Variants in RTKN observed in about 807,000 individuals in gnomAD.
RTKN encodes the protein rhotekin.
A neutral mutation model predicts 63.5 loss-of-function variants in RTKN; 49 were observed. That is an observed-to-expected ratio of 0.77 (90% confidence interval 0.61 to 0.98). The LOEUF (loss-of-function observed/expected upper bound fraction) is 0.98, where lower values mean the gene tolerates loss of function less well. Ranked by LOEUF, RTKN falls within the 50% of genes least tolerant of loss-of-function variation. The probability of loss-of-function intolerance (pLI) is 0.00; values close to 1 mark genes in which losing one functional copy is unlikely to be tolerated. For synonymous variants in RTKN, 295 were observed against 290.4 expected (o/e 1.02, Z -0.16); for missense variants, 685 against 740.8 (o/e 0.92, Z 0.87).
rs1266903360 is a variant in RTKN at position 74,429,963 on chromosome 2, G to C, written c.620C>G (p.Thr207Ser). ...GGTGGCAAGCCTCTTGGGGCCGCCA[G>C]TCAGGGCCCCCTCTTCTTCCACACA... ...GACVEEEGAL[T>S]GGPKRLATKL... The change falls in exon 6 of 12, where the codon ACT becomes AGT. Residue 207 changes from threonine to serine, a missense_variant. Coordinates refer to ENST00000272430, the MANE Select transcript of RTKN (RefSeq NM_001015055.2). The C allele has an allele frequency of 1.7e-5, 28 of 1,614,142 alleles. No individual in the cohort carries two copies. The Admixed American group carries it at 4.7e-4, about 27-fold the overall frequency.
intron 11 of RTKN, 154 bp from the exon 12 acceptor site, chr2:74,426,728 T>C: frequency 7.2e-7 from 1 of 1,380,058 alleles, no homozygotes; most frequent in South Asian, 1.9e-5. Context: ...GCCCCTCACC[T>C]GGGCCCCCTG....
At chr2:74,434,280 CTTT>C (rs902132687) in intron 1 of RTKN, among the ~76,000 whole-genome samples, 10 of 128,054 alleles carry the variant, frequency 7.8e-5, no homozygotes, top group Non-Finnish European at 6.7e-5. Context: ...GTTTTGTATT[CTTT>C]TTTTTTTTTT....
At position 74,426,349 on chromosome 2, in the gene RTKN, G is replaced by T. The variant is rs779241683; in HGVS notation, c.1586C>A (p.Ser529Tyr). 35 of 1,612,442 alleles carry T rather than the reference G, an allele frequency of 2.2e-5. No individual in the cohort carries two copies. Among genetic ancestry groups the T allele is most frequent in the Middle Eastern group, 1.6e-4 (1 of 6,074 alleles). ...GGGGGCAACCGAGCGAGCCCTAGGG[G>T]AGTGGTCTGGGGGGACAGCATCCAG... ...FSLDAVPPDHSPRARSVAPLP... is the reference protein window; with the variant it reads ...FSLDAVPPDHYPRARSVAPLP... Residue 529 changes from serine (S) to tyrosine (Y), a missense_variant, in exon 12 of 12, where the codon TCC (serine) becomes TAC (tyrosine). Coordinates refer to ENST00000272430, the MANE Select transcript of RTKN (RefSeq NM_001015055.2).
chr2:74,439,902 G>A (rs1671262710), intron 1 of RTKN: 5 of 1,267,376 alleles, frequency 3.9e-6, no homozygotes, highest in Non-Finnish European at 4.0e-6. Context: ...TGGGGTCCCA[G>A]GAGGAAAGGC....
intron 1 of RTKN, among the ~76,000 whole-genome samples, chr2:74,435,430 A>G (rs1671002190): frequency 6.6e-6 from 1 of 152,190 alleles, no homozygotes; most frequent in South Asian, 2.1e-4. Flanking sequence ...TAATGACGCT[A>G]TACTTTGGTG....
chr2:74,440,077 C>T, intron 1 of RTKN: 2 of 797,092 alleles, frequency 2.5e-6, no homozygotes, highest in Non-Finnish European at 3.1e-6. Context: ...GCGGAGAGGG[C>T]AGTGAGGGGC....
At chr2:74,437,963 G>A (rs911013939) in intron 1 of RTKN, among the ~76,000 whole-genome samples, 6 of 152,166 alleles carry the variant, frequency 3.9e-5, no homozygotes, top group African/African-American at 4.8e-5. Flanking sequence ...ATGCCAAGAC[G>A]GTCCTGAGAA....
Position 74,426,130 on chromosome 2 carries a change from A to C in RTKN, c.*113T>G. The C allele has an allele frequency of 3.2e-6, 3 of 932,608 alleles. No homozygotes were observed. Among genetic ancestry groups the C allele is most frequent in the Non-Finnish European group, 5.0e-6 (3 of 601,424 alleles). 57.8% of individuals were successfully genotyped at this position (932,608 alleles called of 1,614,324 possible). On this transcript the variant is annotated 3_prime_UTR_variant, in exon 12 of 12. Coordinates refer to ENST00000272430, the MANE Select transcript of RTKN (RefSeq NM_001015055.2). ...CTGCAGCCTACCCCAGGTCCAGCAG[A>C]GGAACAGGAGGCCAGACTGGCCAAC...
chr2:74,428,244 C>T (rs1376083818), intron 9 of RTKN, 24 bp downstream of exon 9: 1 of 1,613,948 alleles, frequency 6.2e-7, no homozygotes, highest in African/African-American at 1.3e-5. Context: ...CCCTTGGTGG[C>T]CTTACTACCA....
intron 11 of RTKN, 141 bp downstream of exon 11, chr2:74,427,028 A>G: frequency 6.9e-7 from 1 of 1,447,978 alleles, no homozygotes; most frequent in South Asian, 1.5e-5. Flanking sequence ...AAGAACACAC[A>G]AGATTGGGTG....
chr2:74,438,403 C>G (rs892587385), intron 1 of RTKN, among the ~76,000 whole-genome samples: 2 of 152,160 alleles, frequency 1.3e-5, no homozygotes, highest in Non-Finnish European at 2.9e-5. Flanking sequence ...GAAACAGCCT[C>G]CCACCTGGTG....
chr2:74,434,375 G>A (rs946331269), intron 1 of RTKN, among the ~76,000 whole-genome samples: 2 of 151,370 alleles, frequency 1.3e-5, no homozygotes, highest in Admixed American at 1.3e-4. Context: ...CCGCCTCCCA[G>A]GTTCAAGCAA....
In RTKN at chr2:74,440,637, G is replaced by A. The variant is rs1471336744; in HGVS notation, c.111+1069C>T. ...CCCAGCTCACAGGCCCCTCCCCCTG[G>A]TCCCGGGCCTCGCCCCTTACTCCCC... On this transcript the variant is annotated intron_variant, in intron 1 of 11. Coordinates refer to ENST00000272430, the MANE Select transcript of RTKN (RefSeq NM_001015055.2). 3.3e-6 allele frequency: 3 copies of A among 905,270 alleles called. No individual in the cohort carries two copies. In the African/African-American group the frequency reaches 5.4e-5, roughly 16 times the overall value. The allele number at this position is 905,270 out of a possible 1,614,324, so 56.1% of individuals were successfully genotyped here. A position where few individuals can be genotyped will look rare whatever the true frequency, so the allele number is the denominator to read the frequency against.
At chr2:74,426,624 G>T (rs758276673) in intron 11 of RTKN, 50 bp from the exon 12 acceptor site, 1 of 1,505,732 alleles carries the variant, frequency 6.6e-7, no homozygotes, top group Non-Finnish European at 8.9e-7. Flanking sequence ...TCAGAGCTCA[G>T]GCCCCAAGCC....
At position 74,430,243 on chromosome 2, in the gene RTKN, G is replaced by A. The variant is rs369083012; in HGVS notation, c.545+9C>T. ...GAGGAAGGAGGTAGCCACAGTGTGA[G>A]GTACTCACAAGAGCACATTGCTCTG... is the stretch of plus-strand genomic sequence containing the variant. On this transcript the variant is annotated intron_variant, in intron 5 of 11. Transcript: ENST00000272430. The A allele has an allele frequency of 6.2e-7, 1 of 1,605,200 alleles. No homozygotes were observed. Among genetic ancestry groups the A allele is most frequent in the Non-Finnish European group, 8.5e-7 (1 of 1,171,894 alleles).
rs761352367 is a variant in RTKN at position 74,439,635 on chromosome 2, C to CCG, written c.111+2070_111+2071insCG. The CCG allele has an allele frequency of 2.5e-6, 4 of 1,613,712 alleles. No homozygotes were observed. The African/African-American group carries it at 4.0e-5, about 16-fold the overall frequency. ...ATCTGTCCTGCATCTCTGTGCCCCC[C>CCG]GGTGCCCTTTCCCTTGTCAACCCCT... On this transcript the variant is annotated intron_variant, in intron 1 of 11. Coordinates refer to ENST00000272430, the MANE Select transcript of RTKN (RefSeq NM_001015055.2).
At chr2:74,427,613 C>T in intron 9 of RTKN, 21 bp from the exon 10 acceptor site, 1 of 1,602,588 alleles carries the variant, frequency 6.2e-7, no homozygotes, top group South Asian at 1.1e-5. Flanking sequence ...AAGAAGAGGT[C>T]TACCTTGGTC....
intron 10 of RTKN, 44 bp downstream of exon 10, chr2:74,427,380 T>A: frequency 6.2e-7 from 1 of 1,610,424 alleles, no homozygotes; most frequent in Non-Finnish European, 8.5e-7. Flanking sequence ...AATGACAAAC[T>A]CCAGTTCTTC....
chr2:74,432,962 A>G (rs1670841476), intron 1 of RTKN, among the ~76,000 whole-genome samples: 1 of 151,952 alleles, frequency 6.6e-6, no homozygotes, highest in Admixed American at 6.6e-5. Context: ...AATATATAAC[A>G]GCCGGGCACG....
Sources: allele counts gnomAD v4.1 joint callset (sites outside exome capture counted in the v4.1 genomes callset), GRCh38; gene constraint gnomAD v4.1.1; transcripts MANE v1.5; gene names NCBI Gene and HGNC (gene_info 2026-07-23, HGNC 2026-07-21).